Variants in KDM4C observed in about 807,000 individuals in gnomAD.
KDM4C encodes lysine-specific demethylase 4C.
In KDM4C, 81 loss-of-function variants were observed where a neutral mutation model predicts 129.3. That is an observed-to-expected ratio of 0.63 (90% CI 0.52 to 0.75). The LOEUF (loss-of-function observed/expected upper bound fraction) is 0.75, where lower values mean the gene tolerates loss of function less well. Ranked by LOEUF, KDM4C falls within the 30% of genes least tolerant of loss-of-function variation. The pLI is 0.00. For missense variants in KDM4C, 1,457 were observed against 1,304.0 expected (o/e 1.12, Z -1.81); for synonymous variants, 573 against 456.1 (o/e 1.26, Z -3.26).
At chr9:7,103,991 A>G in intron 18 of KDM4C, 121 bp downstream of exon 18, 1 of 891,522 alleles carries the variant, frequency 1.1e-6, no homozygotes, top group African/African-American at 1.7e-5. Flanking sequence ...ACATGTCTAG[A>G]CCGTGAGTTC....
At chr9:7,161,465 A>G (rs1032076158) in intron 19 of KDM4C, among the ~76,000 whole-genome samples, 2 of 152,102 alleles carry the variant, frequency 1.3e-5, no homozygotes, top group Non-Finnish European at 2.9e-5. Context: ...CATCTTCCAG[A>G]CCTTTTATTT....
intron 9 of KDM4C, among the ~76,000 whole-genome samples, chr9:6,981,479 C>G (rs1467502065): frequency 6.6e-6 from 1 of 152,072 alleles, no homozygotes; most frequent in African/African-American, 2.4e-5. Context: ...CACCATTTTG[C>G]TTTTTGGCTT....
intron 15 of KDM4C, among the ~76,000 whole-genome samples, chr9:7,038,581 C>G (rs1366483715): frequency 2.0e-5 from 3 of 151,880 alleles, no homozygotes; most frequent in African/African-American, 7.2e-5. Flanking sequence ...TCTGATAATT[C>G]CAGTTCCCAC....
At chr9:6,812,601 A>G (rs573557692) in intron 3 of KDM4C, among the ~76,000 whole-genome samples, 4 of 152,304 alleles carry the variant, frequency 2.6e-5, no homozygotes, top group African/African-American at 9.6e-5. Context: ...ATGAGAATCT[A>G]ATGCCACTGA....
At chr9:6,914,059 G>A (rs1184949827) in intron 8 of KDM4C, among the ~76,000 whole-genome samples, 3 of 152,114 alleles carry the variant, frequency 2.0e-5, no homozygotes, top group Admixed American at 2.0e-4. Flanking sequence ...AGTACATTTT[G>A]TATTTTCCCT....
chr9:7,141,030 C>A (rs1329808450), intron 19 of KDM4C, among the ~76,000 whole-genome samples: 1 of 152,196 alleles, frequency 6.6e-6, no homozygotes, highest in African/African-American at 2.4e-5. Flanking sequence ...AAGGGCCAGA[C>A]TGGGTGGGGC....
At chr9:6,723,727 G>C (rs974898198) in intron 1 of KDM4C, 1 of 152,044 alleles carries the variant, frequency 6.6e-6, no homozygotes, top group Non-Finnish European at 1.5e-5. Context: ...ACGAAGGAAA[G>C]GACTGCATGT....
intron 1 of KDM4C, among the ~76,000 whole-genome samples, chr9:6,726,340 T>C (rs1167440010): frequency 6.6e-6 from 1 of 152,248 alleles, no homozygotes; most frequent in African/African-American, 2.4e-5. Flanking sequence ...ACTGACTCAA[T>C]GTGATCAAGA....
intron 17 of KDM4C, among the ~76,000 whole-genome samples, chr9:7,098,790 A>C (rs1036288309): frequency 6.6e-6 from 1 of 152,196 alleles, no homozygotes; most frequent in South Asian, 2.1e-4. Context: ...TGGCTAGACT[A>C]TCCTCTTTAC....
chr9:7,130,660 T>C (rs772119797), intron 19 of KDM4C, among the ~76,000 whole-genome samples: 4 of 152,246 alleles, frequency 2.6e-5, no homozygotes, highest in Admixed American at 1.3e-4. Flanking sequence ...TGGCCACAAC[T>C]GTTGCCCTGG....
chr9:7,122,596 T>C (rs1839624056), intron 18 of KDM4C, among the ~76,000 whole-genome samples: 1 of 152,134 alleles, frequency 6.6e-6, no homozygotes, highest in Admixed American at 6.6e-5. Context: ...CACAAAATTA[T>C]TGGGAGAATT....
chr9:6,854,735 A>T lies in KDM4C; in HGVS notation c.629+5035A>T, dbSNP rs542433600. ...CATTCAGTAAACTGAGATTTTGTTA[A>T]AATACTGTGTAGCAGTTAAGAAGTA... On this transcript the variant is annotated intron_variant, in intron 5 of 21. Transcript: ENST00000381309. Among the ~76,000 whole-genome samples, 12 of 152,294 alleles carry T rather than the reference A, an allele frequency of 7.9e-5. No individual in the cohort carries two copies. The South Asian group carries it at 2.5e-3, about 32-fold the overall frequency.
intron 12 of KDM4C, among the ~76,000 whole-genome samples, chr9:7,008,966 T>C (rs1246931285): frequency 1.3e-5 from 2 of 152,172 alleles, no homozygotes; most frequent in African/African-American, 4.8e-5. Context: ...TACCAACTCA[T>C]GGTCACAAGA....
chr9:6,847,731 C>G (rs1390664411), intron 4 of KDM4C, among the ~76,000 whole-genome samples: 1 of 152,144 alleles, frequency 6.6e-6, no homozygotes, highest in African/African-American at 2.4e-5. Context: ...TTCCAAATAA[C>G]AAGCTTCTCA....
At chr9:6,947,213 C>G (rs1033979699) in intron 8 of KDM4C, among the ~76,000 whole-genome samples, 15 of 152,044 alleles carry the variant, frequency 9.9e-5, no homozygotes, top group African/African-American at 3.4e-4. Flanking sequence ...TACTTCTGTT[C>G]TGATTTTTTG....
intron 19 of KDM4C, among the ~76,000 whole-genome samples, chr9:7,157,924 A>G (rs776418891): frequency 2.0e-5 from 3 of 152,190 alleles, no homozygotes; most frequent in Non-Finnish European, 2.9e-5. Flanking sequence ...AGTTTCAGAA[A>G]GAATGGGACC....
At chr9:7,056,629 A>T (rs1421392886) in intron 17 of KDM4C, among the ~76,000 whole-genome samples, 1 of 152,240 alleles carries the variant, frequency 6.6e-6, no homozygotes, top group Admixed American at 6.5e-5. Context: ...ACTGTGAGAC[A>T]AAAGGAAATT....
At chr9:7,051,272 A>G (rs1487927048) in intron 17 of KDM4C, among the ~76,000 whole-genome samples, 1 of 152,182 alleles carries the variant, frequency 6.6e-6, no homozygotes, top group African/African-American at 2.4e-5. Context: ...ATAGTTTGAC[A>G]GGGGCAATGA....
intron 5 of KDM4C, among the ~76,000 whole-genome samples, chr9:6,859,642 C>T (rs1164787646): frequency 2.0e-5 from 3 of 150,148 alleles, no homozygotes; most frequent in Non-Finnish European, 3.0e-5. Context: ...GCGGGCAGAT[C>T]GCGAGATCCG....
Sources: allele counts gnomAD v4.1 joint callset (sites outside exome capture counted in the v4.1 genomes callset), GRCh38; gene constraint gnomAD v4.1.1; transcripts MANE v1.5; gene names NCBI Gene and HGNC (gene_info 2026-07-23, HGNC 2026-07-21).